Variants in EBF1 observed in about 807,000 individuals in gnomAD.
EBF1 encodes the protein EBF transcription factor 1, also known as transcription factor COE1.
A neutral mutation model predicts 68.4 loss-of-function variants in EBF1; 10 were observed. The observed-to-expected ratio is 0.15, with a 90% CI of 0.09 to 0.25. The LOEUF (loss-of-function observed/expected upper bound fraction) is 0.25, where lower values mean the gene tolerates loss of function less well. Ranked by LOEUF, EBF1 falls within the 10% of genes least tolerant of loss-of-function variation. The pLI, the probability that EBF1 is intolerant of heterozygous loss-of-function variation, is 1.00. For synonymous variants in EBF1, 298 were observed against 299.8 expected (o/e 0.99, Z 0.06); for missense variants, 509 against 794.4 (o/e 0.64, Z 4.32).
intron 6 of EBF1, among the ~76,000 whole-genome samples, chr5:159,042,504 T>G (rs1179817040): frequency 1.3e-5 from 2 of 152,118 alleles, no homozygotes; most frequent in African/African-American, 4.8e-5. Flanking sequence ...CTAAATGTCA[T>G]TCTGGCTGGG....
intron 10 of EBF1, among the ~76,000 whole-genome samples, chr5:158,759,096 CATTAAAT>C: frequency 6.6e-6 from 1 of 152,302 alleles, no homozygotes; most frequent in South Asian, 2.1e-4. Flanking sequence ...CCAACGTCTC[CATTAAAT>C]GTACCATACA....
chr5:158,813,388 C>G (rs569355816), intron 8 of EBF1, among the ~76,000 whole-genome samples: 2 of 152,284 alleles, frequency 1.3e-5, no homozygotes, highest in South Asian at 4.2e-4. Context: ...TACACAACAC[C>G]TTCCCAGCTG....
At chr5:158,840,680 T>TG (rs1562086726) in intron 6 of EBF1, among the ~76,000 whole-genome samples, 2 of 103,684 alleles carry the variant, frequency 1.9e-5, no homozygotes, top group African/African-American at 7.0e-5. Flanking sequence ...TTTGTTTTTT[T>TG]TTTTTTTTTG....
chr5:159,038,791 G>A (rs1437124043), intron 6 of EBF1, among the ~76,000 whole-genome samples: 1 of 152,168 alleles, frequency 6.6e-6, no homozygotes, highest in African/African-American at 2.4e-5. Context: ...GGAAGTCTCA[G>A]AAATTCCACC....
At chr5:158,911,682 C>A (rs1164526232) in intron 6 of EBF1, among the ~76,000 whole-genome samples, 1 of 152,212 alleles carries the variant, frequency 6.6e-6, no homozygotes, top group African/African-American at 2.4e-5. Context: ...CACCCCATTT[C>A]ACCTTGCCCT....
intron 6 of EBF1, among the ~76,000 whole-genome samples, chr5:158,969,895 AGAAAGAAAGAAAGAAAG>A (rs1561662940): frequency 8.6e-6 from 1 of 115,662 alleles, no homozygotes; most frequent in East Asian, 2.2e-4. Flanking sequence ...AAAGAAAGAA[AGAAAGAAAGAAAGAAAG>A]AAAGAAAAAA....
chr5:158,887,405 G>C (rs778845520), intron 6 of EBF1, among the ~76,000 whole-genome samples: 1 of 152,060 alleles, frequency 6.6e-6, no homozygotes, highest in Non-Finnish European at 1.5e-5. Flanking sequence ...CAATGTATAC[G>C]TCCTTTCTTC....
chr5:158,701,211 G>A (rs964860452), intron 15 of EBF1, among the ~76,000 whole-genome samples: 8 of 152,098 alleles, frequency 5.3e-5, no homozygotes, highest in African/African-American at 1.7e-4. Flanking sequence ...CTGCGTGCCT[G>A]GCATTAAAGA....
chr5:158,870,755 C>T (rs1245769692), intron 6 of EBF1, among the ~76,000 whole-genome samples: 1 of 152,176 alleles, frequency 6.6e-6, no homozygotes, highest in Non-Finnish European at 1.5e-5. Flanking sequence ...GGTCTGAAAC[C>T]TGAACCAACA....
intron 13 of EBF1, 128 bp from the exon 14 acceptor site, chr5:158,712,461 A>G (rs1759611145): frequency 8.7e-6 from 9 of 1,028,680 alleles, no homozygotes; most frequent in Non-Finnish European, 1.3e-5. Context: ...GGATTGGGTG[A>G]TTCATGTGCG....
At chr5:158,956,619 CA>C (rs1817154955) in intron 6 of EBF1, among the ~76,000 whole-genome samples, 1 of 151,920 alleles carries the variant, frequency 6.6e-6, no homozygotes, top group Non-Finnish European at 1.5e-5. Context: ...TTGAGAAAGA[CA>C]TACTTACTAA....
intron 6 of EBF1, among the ~76,000 whole-genome samples, chr5:158,911,460 G>GT (rs34940077): frequency 0.033 from 4,982 of 151,376 alleles, 96 homozygotes; most frequent in African/African-American, 0.041. Context: ...GGATAGAGGG[G>GT]TTTTTTTTTA....
At chr5:158,991,618 A>T (rs1024200236) in intron 6 of EBF1, among the ~76,000 whole-genome samples, 13 of 152,248 alleles carry the variant, frequency 8.5e-5, no homozygotes, top group African/African-American at 3.1e-4. Flanking sequence ...TATTTGGCAG[A>T]CCTAAAAGTA....
At chr5:158,766,157 G>C (rs1435821233) in intron 10 of EBF1, among the ~76,000 whole-genome samples, 3 of 152,146 alleles carry the variant, frequency 2.0e-5, no homozygotes, top group Non-Finnish European at 4.4e-5. Context: ...TCTTTTTAAG[G>C]AGGATTGACC....
chr5:158,999,723 G>A (rs1583815108), intron 6 of EBF1, among the ~76,000 whole-genome samples: 1 of 152,236 alleles, frequency 6.6e-6, no homozygotes, highest in Middle Eastern at 3.4e-3. Context: ...TCTTTGAAAT[G>A]AAGCACAAAG....
intron 11 of EBF1, among the ~76,000 whole-genome samples, chr5:158,718,657 C>T (rs1267972035): frequency 1.3e-5 from 2 of 152,154 alleles, no homozygotes; most frequent in African/African-American, 4.8e-5. Flanking sequence ...CCCAAAGTTT[C>T]CACCGCTGAC....
intron 7 of EBF1, among the ~76,000 whole-genome samples, chr5:158,830,754 C>A (rs533838941): frequency 1.3e-5 from 2 of 152,140 alleles, no homozygotes; most frequent in African/African-American, 4.8e-5. Flanking sequence ...GATATGAATG[C>A]GATATTCTCA....
At chr5:158,951,473 A>G (rs1354707754) in intron 6 of EBF1, among the ~76,000 whole-genome samples, 1 of 152,208 alleles carries the variant, frequency 6.6e-6, no homozygotes, top group East Asian at 1.9e-4. Flanking sequence ...GCACAGTAAA[A>G]TCCATCATGA....
chr5:158,985,152 A>G (rs574263436), intron 6 of EBF1, among the ~76,000 whole-genome samples: 1 of 152,228 alleles, frequency 6.6e-6, no homozygotes, highest in African/African-American at 2.4e-5. Flanking sequence ...CAGATGATAT[A>G]AAGATATGGC....
Sources: allele counts gnomAD v4.1 joint callset (sites outside exome capture counted in the v4.1 genomes callset), GRCh38; gene constraint gnomAD v4.1.1; transcripts MANE v1.5; gene names NCBI Gene and HGNC (gene_info 2026-07-23, HGNC 2026-07-21).